The following PIK3CB variants were observed in gnomAD, a reference collection of about 807,000 sequenced individuals.
The protein encoded by PIK3CB is phosphatidylinositol 4,5-bisphosphate 3-kinase catalytic subunit beta isoform.
A neutral mutation model predicts 136.8 loss-of-function variants in PIK3CB; 39 were observed. That is an observed-to-expected ratio of 0.29 (90% CI 0.22 to 0.37). The LOEUF is 0.37. Among genes scored for constraint, PIK3CB ranks in the 10% least tolerant of loss-of-function variants. The pLI is 1.00. For missense variants in PIK3CB, 868 were observed against 1,275.4 expected, an observed-to-expected ratio of 0.68 and a Z score of 4.87; for synonymous variants, 428 against 436.6, an observed-to-expected ratio of 0.98 and a Z score of 0.25.
At chr3:138,760,145 G>C (rs967772777) in intron 2 of PIK3CB, among the ~76,000 whole-genome samples, 1 of 151,996 alleles carries the variant, frequency 6.6e-6, no homozygotes, top group Non-Finnish European at 1.5e-5. Context: ...GGATGGTCTC[G>C]ATCTCCTGAC....
chr3:138,699,206 A>T, intron 12 of PIK3CB, 111 bp from the exon 13 acceptor site: 1 of 320,034 alleles, frequency 3.1e-6, no homozygotes, highest in Non-Finnish European at 5.3e-6. Flanking sequence ...TATGTGAGAT[A>T]CAAAAATATA....
At chr3:138,802,579 T>C (rs190351043) in intron 1 of PIK3CB, among the ~76,000 whole-genome samples, 25 of 151,702 alleles carry the variant, frequency 1.6e-4, no homozygotes, top group African/African-American at 5.6e-4. Context: ...AAAGGGCAAA[T>C]AGTATTGTTA....
At chr3:138,667,313 G>A (rs2043433318) in intron 19 of PIK3CB, among the ~76,000 whole-genome samples, 1 of 151,794 alleles carries the variant, frequency 6.6e-6, no homozygotes, top group East Asian at 1.9e-4. Flanking sequence ...GACACAGTAA[G>A]TGGTGAAAAG....
chr3:138,735,341 T>C (rs1232627724), intron 6 of PIK3CB, among the ~76,000 whole-genome samples: 10 of 152,194 alleles, frequency 6.6e-5, no homozygotes, highest in Non-Finnish European at 2.9e-5. Context: ...ATGATTATTG[T>C]ATGTTACAGC....
At chr3:138,694,668 T>G in intron 14 of PIK3CB, 118 bp downstream of exon 14, 1 of 1,092,840 alleles carries the variant, frequency 9.2e-7, no homozygotes, top group Non-Finnish European at 1.3e-6. Flanking sequence ...GAGCAAATGC[T>G]TTGAACTGTG....
At chr3:138,825,340 A>G in intron 1 of PIK3CB, 2 of 516,930 alleles carry the variant, frequency 3.9e-6, no homozygotes, top group Non-Finnish European at 7.0e-6. Context: ...AAAAATGGGC[A>G]GACCTGTCAG....
At chr3:138,796,892 G>A (rs1270906593) in intron 1 of PIK3CB, 3 of 152,328 alleles carry the variant, frequency 2.0e-5, no homozygotes, top group Non-Finnish European at 2.9e-5. Flanking sequence ...CTCTCCCAAA[G>A]CTGAAGCCAA....
intron 2 of PIK3CB, among the ~76,000 whole-genome samples, chr3:138,773,409 A>G (rs1360894173): frequency 6.6e-6 from 1 of 152,142 alleles, no homozygotes; most frequent in African/African-American, 2.4e-5. Context: ...AAAAAAAAGT[A>G]TAAAGATAAA....
intron 12 of PIK3CB, among the ~76,000 whole-genome samples, chr3:138,700,128 G>A (rs769604244): frequency 2.6e-5 from 4 of 152,150 alleles, no homozygotes; most frequent in African/African-American, 4.8e-5. Context: ...AGGCTGAGGT[G>A]GGAGGATCAC....
chr3:138,774,556 A>C (rs568215753), intron 2 of PIK3CB, among the ~76,000 whole-genome samples: 41 of 152,332 alleles, frequency 2.7e-4, no homozygotes, highest in Non-Finnish European at 5.7e-4. Flanking sequence ...AATGGTATCC[A>C]ATCAATTCTG....
At chr3:138,738,886 C>A (rs1019803397) in intron 5 of PIK3CB, among the ~76,000 whole-genome samples, 1 of 152,178 alleles carries the variant, frequency 6.6e-6, no homozygotes, top group Non-Finnish European at 1.5e-5. Flanking sequence ...TTAAATAAAT[C>A]ACTCCCCTGA....
At chr3:138,672,694 C>T (rs1049447454) in intron 19 of PIK3CB, among the ~76,000 whole-genome samples, 14 of 151,922 alleles carry the variant, frequency 9.2e-5, no homozygotes, top group Admixed American at 4.6e-4. Context: ...GGCGGATCAC[C>T]TGAGGTCAAC....
chr3:138,710,408 T>C (rs1414219557), intron 10 of PIK3CB, among the ~76,000 whole-genome samples: 2 of 152,204 alleles, frequency 1.3e-5, no homozygotes, highest in African/African-American at 2.4e-5. Flanking sequence ...ATGAACATTT[T>C]GAAATGTCAC....
At chr3:138,694,386 T>C (rs2044091296) in intron 14 of PIK3CB, among the ~76,000 whole-genome samples, 1 of 152,176 alleles carries the variant, frequency 6.6e-6, no homozygotes, top group Admixed American at 6.5e-5. Flanking sequence ...TAAAAGTGTT[T>C]GGGGTGACTT....
chr3:138,798,443 G>A lies in PIK3CB; in HGVS notation c.-121-1876C>T, dbSNP rs539926456. On this transcript the variant is annotated intron_variant, in intron 1 of 23. Transcript: ENST00000674063. ...CTCCCAAAGTGCTGGGATTACAGGCGTGAGCCACTGTGCCTGGCCAGGAAT... is the reference window on the plus strand; with the variant it reads ...CTCCCAAAGTGCTGGGATTACAGGCATGAGCCACTGTGCCTGGCCAGGAAT... Among the ~76,000 whole-genome samples the A allele has an allele frequency of 2.0e-3, 298 of 152,258 alleles. 2 individuals carry two copies. The highest frequency in any genetic ancestry group is 6.9e-3 in the African/African-American group (285 of 41,540).
rs145084210 is a variant in PIK3CB at position 138,656,776 on chromosome 3, A to G, written c.2943-502T>C. Among the ~76,000 whole-genome samples, 31 of 151,744 alleles carry G rather than the reference A, an allele frequency of 2.0e-4. No individual in the cohort carries two copies. The East Asian group carries it at 4.3e-3, about 21-fold the overall frequency. On this transcript the variant is annotated intron_variant, in intron 22 of 23. Coordinates refer to ENST00000674063, the MANE Select transcript of PIK3CB (RefSeq NM_006219.3). ...GATGGTCCCTCAAGAAGATCATCCA[A>G]TGTTTTTTTTTTGAGATGGAACCTT...
intron 2 of PIK3CB, among the ~76,000 whole-genome samples, chr3:138,796,113 T>A (rs942192123): frequency 1.3e-5 from 2 of 152,166 alleles, no homozygotes; most frequent in Non-Finnish European, 2.9e-5. Flanking sequence ...CTGGGAGCAG[T>A]GGCTCATGCC....
chr3:138,792,979 G>A (rs1417634658), intron 2 of PIK3CB, among the ~76,000 whole-genome samples: 2 of 152,108 alleles, frequency 1.3e-5, no homozygotes, highest in African/African-American at 2.4e-5. Context: ...TTTTAATAAT[G>A]TAGGGATTGA....
chr3:138,739,386 T>G (rs2045188008), intron 5 of PIK3CB, among the ~76,000 whole-genome samples: 1 of 151,862 alleles, frequency 6.6e-6, no homozygotes. Flanking sequence ...GAGGTTGTAG[T>G]GAGCTGAGAT....
Sources: allele counts gnomAD v4.1 joint callset (sites outside exome capture counted in the v4.1 genomes callset), GRCh38; gene constraint gnomAD v4.1.1; transcripts MANE v1.5; gene names NCBI Gene and HGNC (gene_info 2026-07-23, HGNC 2026-07-21).